The following POF1B variants were observed in gnomAD, a reference collection of about 807,000 sequenced individuals.
The protein encoded by POF1B is protein POF1B.
A neutral mutation model predicts 55.3 loss-of-function variants in POF1B; 53 were observed. That is an observed-to-expected ratio of 0.96 (90% confidence interval 0.77 to 1.20). POF1B has a LOEUF of 1.20. Among genes scored for constraint, POF1B ranks in the 50% most tolerant of loss-of-function variants. POF1B has a pLI of 0.00. For missense variants in POF1B, 478 were observed against 420.5 expected, an observed-to-expected ratio of 1.14 and a Z score of -1.20; for synonymous variants, 188 against 148.3, an observed-to-expected ratio of 1.27 and a Z score of -1.95.
Position 85,379,367 on chromosome X carries a change from A to T in POF1B, c.88T>A (p.Tyr30Asn), listed in dbSNP as rs754202857. 7 of 1,207,542 alleles carry T rather than the reference A, an allele frequency of 5.8e-6. No individual in the cohort carries two copies. Residue 30 changes from tyrosine (Y) to asparagine (N), a missense_variant, in exon 2 of 17, where the codon TAC becomes AAC. Tyr to Asn is a moderately radical substitution (Grantham distance 143). Coordinates refer to ENST00000262753, the MANE Select transcript of POF1B (RefSeq NM_024921.4). The part of the protein sequence containing the change: ...PEVLQCQPQH[Y>N]HCYHQSSQAQ... ...TGGCTTGACTGATGGTAGCAGTGGT[A>T]ATGCTGGGGCTGGCACTGCAGCACC...
At chrX:85,376,185 C>T (rs922548572) in intron 2 of POF1B, among the ~76,000 whole-genome samples, 1 of 111,479 alleles carries the variant, frequency 9.0e-6, no homozygotes, top group Non-Finnish European at 1.9e-5. Flanking sequence ...CATTTTTTCT[C>T]TCTCATGTAT....
chrX:85,285,011 C>A (rs1477246792), intron 15 of POF1B, among the ~76,000 whole-genome samples: 2 of 111,949 alleles, frequency 1.8e-5, no homozygotes, highest in Non-Finnish European at 3.8e-5. Flanking sequence ...TGAACAGACA[C>A]TTCTCAAAAG....
intron 6 of POF1B, among the ~76,000 whole-genome samples, chrX:85,341,334 G>A (rs1933167130): frequency 9.1e-6 from 1 of 110,063 alleles, no homozygotes; most frequent in African/African-American, 3.3e-5. Flanking sequence ...GTAGGGACAG[G>A]GAATTGCTGT....
At chrX:85,340,936 G>A (rs915428556) in intron 6 of POF1B, among the ~76,000 whole-genome samples, 14 of 111,037 alleles carry the variant, frequency 1.3e-4, no homozygotes, top group African/African-American at 3.3e-4. Flanking sequence ...AAAGTTGTGC[G>A]AATAAAAGAA....
intron 15 of POF1B, 41 bp from the exon 16 acceptor site, chrX:85,282,358 A>G: frequency 8.4e-6 from 8 of 951,137 alleles, no homozygotes; most frequent in Non-Finnish European, 1.1e-5. Context: ...CTGCATGAGA[A>G]AATAACTTTC....
chrX:85,326,525 G>T (rs1031340371), intron 7 of POF1B, among the ~76,000 whole-genome samples: 1 of 109,859 alleles, frequency 9.1e-6, no homozygotes, highest in Non-Finnish European at 1.9e-5. Flanking sequence ...TCTCTGAGCC[G>T]GCGAATGCTC....
intron 6 of POF1B, among the ~76,000 whole-genome samples, chrX:85,335,434 A>G (rs1042100869): frequency 9.0e-6 from 1 of 111,598 alleles, no homozygotes; most frequent in Admixed American, 9.6e-5. Context: ...TATCTGTTAG[A>G]CTGATTCAAA....
intron 16 of POF1B, 172 bp downstream of exon 16, chrX:85,282,031 G>T: frequency 2.2e-6 from 1 of 457,518 alleles, no homozygotes; most frequent in Non-Finnish European, 3.2e-6. Flanking sequence ...ATTGCCACAT[G>T]TATGAATCTT....
rs368393058 is a variant in POF1B, at chrX:85,326,920, C to G, written c.854+4029G>C. The stretch of plus-strand genomic sequence containing the variant: ...CAAGCAGGCAGAGCCAGTCTGGGGC[C>G]GCGGGAGAAGGCAGTAGACTGAGGG... On this transcript the variant is annotated intron_variant, in intron 7 of 16. Coordinates refer to ENST00000262753, the MANE Select transcript of POF1B (RefSeq NM_024921.4). Among the ~76,000 whole-genome samples, 16 of 110,466 alleles carry G rather than the reference C, an allele frequency of 1.4e-4. No homozygotes were observed. In the East Asian group the frequency reaches 4.7e-3, roughly 32 times the overall value.
chrX:85,327,820 A>G (rs1932914198), intron 7 of POF1B, among the ~76,000 whole-genome samples: 1 of 112,314 alleles, frequency 8.9e-6, no homozygotes, highest in South Asian at 3.7e-4. Flanking sequence ...ACATGTCCCT[A>G]GTCACTTTTC....
intron 7 of POF1B, among the ~76,000 whole-genome samples, chrX:85,325,726 T>C (rs753491278): frequency 1.8e-5 from 2 of 112,094 alleles, no homozygotes; most frequent in Non-Finnish European, 1.9e-5. Context: ...ACTAGTGCAA[T>C]CCTTTTGAGG....
In POF1B at chrX:85,307,246, T is replaced by C. The variant is rs773043807; in HGVS notation, c.1081A>G (p.Lys361Glu). The C allele has an allele frequency of 2.5e-6, 3 of 1,198,333 alleles. No homozygotes were observed. The highest frequency in any genetic ancestry group is 1.8e-5 in the African/African-American group (1 of 57,053). ...TGAGTGTCTTTGAATGATAAATCTT[T>C]CTCAAGTCTCATCTTGTCATTTTCC... ...SLENDKMRLE[K>E]DLSFKDTQLK... is the part of the protein sequence containing the mutation. Residue 361 changes from lysine (K) to glutamate (E), a missense_variant, in exon 11 of 17, where the codon AAA (lysine) becomes GAA (glutamate). Lys to Glu is a moderately conservative substitution (Grantham distance 56). Transcript: ENST00000262753.
chrX:85,357,799 C>T (rs1204768680), intron 4 of POF1B, among the ~76,000 whole-genome samples: 2 of 111,256 alleles, frequency 1.8e-5, no homozygotes, highest in Non-Finnish European at 3.8e-5. Context: ...TTCAATGATA[C>T]CTTTAAGAGG....
chrX:85,313,017 A>G (rs997457760), intron 9 of POF1B, among the ~76,000 whole-genome samples: 31 of 111,954 alleles, frequency 2.8e-4, no homozygotes, highest in Non-Finnish European at 5.5e-4. Flanking sequence ...ACTTTTGCAC[A>G]TTGATTTTGT....
At chrX:85,329,888 T>A (rs1371008276) in intron 7 of POF1B, among the ~76,000 whole-genome samples, 1 of 109,649 alleles carries the variant, frequency 9.1e-6, no homozygotes, top group Non-Finnish European at 1.9e-5. Flanking sequence ...GAAAAATATA[T>A]ACTATATATA....
At chrX:85,298,114 C>A (rs905221414) in intron 15 of POF1B, among the ~76,000 whole-genome samples, 2 of 112,226 alleles carry the variant, frequency 1.8e-5, no homozygotes, top group African/African-American at 6.5e-5. Context: ...GGGCCACTGG[C>A]AAGACTGTCA....
chrX:85,331,171 T>C (rs1242048587), intron 6 of POF1B, 92 bp from the exon 7 acceptor site: 2 of 910,813 alleles, frequency 2.2e-6, no homozygotes, highest in East Asian at 7.1e-5. Context: ...GATAACCTAC[T>C]AAAGTCATCA....
chrX:85,322,689 T>A (rs1419631687), intron 7 of POF1B, among the ~76,000 whole-genome samples: 22 of 111,576 alleles, frequency 2.0e-4, no homozygotes, highest in African/African-American at 6.8e-4. Flanking sequence ...TTTTGCAATC[T>A]ACTCATCTGA....
chrX:85,372,126 C>T (rs768363341), intron 2 of POF1B, among the ~76,000 whole-genome samples: 4 of 110,500 alleles, frequency 3.6e-5, no homozygotes, highest in East Asian at 2.9e-4. Flanking sequence ...GGGCGGATCA[C>T]GAGGTCAGGA....
Sources: gnomAD v4.1 joint callset for allele counts (sites outside exome capture counted in the v4.1 genomes callset) on GRCh38, gnomAD v4.1.1 for gene constraint, MANE v1.5 for transcripts, NCBI Gene and HGNC (gene_info 2026-07-23, HGNC 2026-07-21) for gene names.